The following TFG variants were observed in gnomAD, a reference collection of about 807,000 sequenced individuals.
TFG encodes the protein trafficking from ER to golgi regulator.
Under a neutral mutation model 51.4 loss-of-function variants are expected in TFG, and 22 were observed. That is an observed-to-expected ratio of 0.43 (90% CI 0.31 to 0.61). The LOEUF (loss-of-function observed/expected upper bound fraction) is 0.61. Ranked by LOEUF, TFG falls within the 20% of genes least tolerant of loss-of-function variation. The pLI is 0.12. For missense variants in TFG, 419 were observed against 487.7 expected (o/e 0.86, Z 1.33); for synonymous variants, 187 against 165.6 (o/e 1.13, Z -0.99).
intron 3 of TFG, among the ~76,000 whole-genome samples, chr3:100,723,347 G>A (rs575087670): frequency 6.6e-6 from 1 of 152,066 alleles, no homozygotes; most frequent in African/African-American, 2.4e-5. Flanking sequence ...AAGGGTACCT[G>A]TTCAGTTCAG....
intron 3 of TFG, 144 bp from the exon 4 acceptor site, chr3:100,728,568 T>G (rs2149077816): frequency 1.5e-6 from 1 of 656,816 alleles, no homozygotes; most frequent in East Asian, 3.4e-5. Flanking sequence ...GAATTCTTTT[T>G]TTTTAAAAAA....
chr3:100,712,542 T>G (rs966054762), intron 1 of TFG, among the ~76,000 whole-genome samples: 1 of 152,174 alleles, frequency 6.6e-6, no homozygotes, highest in African/African-American at 2.4e-5. Flanking sequence ...GTTCAGCGAT[T>G]ATAGATAACA....
rs1143775 is a variant in TFG at position 100,728,572 on chromosome 3, T to A, written c.269-140T>A. 535,114 of 561,838 alleles carry A rather than the reference T, an allele frequency of 0.95. 256,749 individuals carry two copies. The highest frequency in any genetic ancestry group is 0.98 in the East Asian group (24,774 of 25,172). 34.8% of individuals were successfully genotyped at this position (561,838 alleles called of 1,614,324 possible). On this transcript the variant is annotated intron_variant, in intron 3 of 7. Coordinates refer to ENST00000240851, the MANE Select transcript of TFG (RefSeq NM_006070.6). The stretch of plus-strand genomic sequence containing the variant: ...TTAGCCATAGAGAATTCTTTTTTTT[T>A]AAAAAAAAAGTTACTCCATTACATT...
At position 100,748,886 on chromosome 3, in the gene TFG, A is replaced by C. The variant is rs2095162170; in HGVS notation, c.*355A>C. On this transcript the variant is annotated 3_prime_UTR_variant, in exon 8 of 8. Coordinates refer to ENST00000240851, the MANE Select transcript of TFG (RefSeq NM_006070.6). Reference sequence around the variant, plus strand: ...TTTTACTATTAACATGATGTACTAAAGTAGAGCCCTTTGAGAATACAAGAT... The same window carrying C: ...TTTTACTATTAACATGATGTACTAACGTAGAGCCCTTTGAGAATACAAGAT... The C allele has an allele frequency of 8.1e-6, 2 of 247,002 alleles. No individual in the cohort carries two copies. Among genetic ancestry groups the C allele is most frequent in the East Asian group, 1.2e-4 (2 of 16,134 alleles). 15.3% of individuals were successfully genotyped at this position (247,002 alleles called of 1,614,324 possible).
At chr3:100,733,901 A>G (rs903636910) in intron 5 of TFG, among the ~76,000 whole-genome samples, 4 of 152,236 alleles carry the variant, frequency 2.6e-5, no homozygotes, top group African/African-American at 7.2e-5. Context: ...TCAGTGAGGT[A>G]AAGGCAGACA....
At chr3:100,745,029 A>G in intron 7 of TFG, 98 bp downstream of exon 7, 1 of 557,234 alleles carries the variant, frequency 1.8e-6, no homozygotes. Flanking sequence ...ACATTGATAT[A>G]ATAGGTATTA....
At chr3:100,724,264 G>A (rs13086822) in intron 3 of TFG, among the ~76,000 whole-genome samples, 38,797 of 151,914 alleles carry the variant, frequency 0.26, 5,524 homozygotes, top group East Asian at 0.51. Context: ...GGAATTGTTA[G>A]GATCAACAAT....
At chr3:100,746,311 T>C (rs566182700) in intron 7 of TFG, among the ~76,000 whole-genome samples, 12 of 152,132 alleles carry the variant, frequency 7.9e-5, no homozygotes, top group Middle Eastern at 3.2e-3. Context: ...TTTCATTTGA[T>C]TGGGTGTGGG....
chr3:100,731,321 A>T (rs988584748), intron 4 of TFG, among the ~76,000 whole-genome samples: 8 of 152,160 alleles, frequency 5.3e-5, no homozygotes, highest in Non-Finnish European at 1.2e-4. Context: ...TGTAAAATGT[A>T]TGTTAAAATT....
chr3:100,719,902 A>G (rs1228910991), intron 2 of TFG, 73 bp from the exon 3 acceptor site: 11 of 869,670 alleles, frequency 1.3e-5, no homozygotes, highest in Admixed American at 2.9e-5. Flanking sequence ...TTTAATTTTT[A>G]CTAGTTTACT....
Position 100,748,610 on chromosome 3 carries a change from T to TGAA in TFG, c.*84_*86dup. ...ACTCCAGTACTATTTTAATTTGTAT[T>TGAA]GAAGAAGTTCAGAAATTTAAAAGCA... On this transcript the variant is annotated 3_prime_UTR_variant, in exon 8 of 8. Coordinates refer to ENST00000240851, the MANE Select transcript of TFG (RefSeq NM_006070.6). The TGAA allele has an allele frequency of 1.4e-6, 2 of 1,390,482 alleles. No homozygotes were observed. The highest frequency in any genetic ancestry group is 1.9e-6 in the Non-Finnish European group (2 of 1,045,292). The allele number at this position is 1,390,482 out of a possible 1,614,324, so 86.1% of individuals were successfully genotyped here. A position where few individuals can be genotyped will look rare whatever the true frequency, so the allele number is the denominator to read the frequency against.
Position 100,744,937 on chromosome 3 carries a change from C to T in TFG, c.820+6C>T, listed in dbSNP as rs774790215. Reference sequence around the variant, plus strand: ...GTATGGTATTCAGTATTCAGGTGAGCAGGTGTTGAAAGGGAGTTGGCTCAT... The same window carrying T: ...GTATGGTATTCAGTATTCAGGTGAGTAGGTGTTGAAAGGGAGTTGGCTCAT... On this transcript the variant is annotated splice_donor_region_variant and intron_variant, in intron 7 of 7. Transcript: ENST00000240851. 1 of 1,598,324 alleles carries T rather than the reference C, an allele frequency of 6.3e-7. No individual in the cohort carries two copies. The highest frequency in any genetic ancestry group is 8.6e-7 in the Non-Finnish European group (1 of 1,168,730).
Position 100,713,731 on chromosome 3 carries a change from C to T in TFG, c.46C>T (p.Gln16Ter). Residue 16 changes from glutamine to a stop codon, truncating the protein, a stop_gained, in exon 2 of 8, where the codon CAA becomes TAA. Coordinates refer to ENST00000240851, the MANE Select transcript of TFG (RefSeq NM_006070.6). LOFTEE classifies it high-confidence loss of function. ...DLSGKLIIKA[Q>*]LGEDIRRIPI... ...AAGTGGGAAGCTAATCATCAAAGCT[C>T]AACTTGGGGAGGATATTCGGCGAAT... 6.2e-7 allele frequency: 1 copy of T among 1,610,490 alleles called. No individual in the cohort carries two copies. Among genetic ancestry groups the T allele is most frequent in the Non-Finnish European group, 8.5e-7 (1 of 1,177,810 alleles).
chr3:100,719,883 T>TA, intron 2 of TFG, 92 bp from the exon 3 acceptor site: 1 of 710,848 alleles, frequency 1.4e-6, no homozygotes, highest in Non-Finnish European at 2.3e-6. Flanking sequence ...ACAATCTACA[T>TA]TTTGGATTTT....
chr3:100,719,090 A>G (rs1437087104), intron 2 of TFG, among the ~76,000 whole-genome samples: 1 of 152,232 alleles, frequency 6.6e-6, no homozygotes, highest in Non-Finnish European at 1.5e-5. Flanking sequence ...GGGTCTGGCT[A>G]TAAGGAGCTA....
chr3:100,713,199 C>A (rs562897632), intron 1 of TFG, among the ~76,000 whole-genome samples: 161 of 152,234 alleles, frequency 1.1e-3, no homozygotes, highest in Admixed American at 2.8e-3. Context: ...AGTGAAGGTG[C>A]TGAAGTGGTT....
In TFG at chr3:100,713,887, G is replaced by A. The variant is rs751406877; in HGVS notation, c.184+18G>A. 9.3e-6 allele frequency: 12 copies of A among 1,290,644 alleles called. No individual in the cohort carries two copies. The highest frequency in any genetic ancestry group is 2.5e-4 in the Middle Eastern group (1 of 4,046). The allele number at this position is 1,290,644 out of a possible 1,614,324, so 79.9% of individuals were successfully genotyped here. On this transcript the variant is annotated intron_variant, in intron 2 of 7. Coordinates refer to ENST00000240851, the MANE Select transcript of TFG (RefSeq NM_006070.6). ...AGATGAAGGTAAGAGTGTTTTTAAA[G>A]CTATTTTTTAAAGTCTTTTTAAAAA...
chr3:100,715,079 CT>C, intron 2 of TFG, among the ~76,000 whole-genome samples: 1 of 152,290 alleles, frequency 6.6e-6, no homozygotes, highest in South Asian at 2.1e-4. Context: ...TTTTTAAATA[CT>C]TTTACCTCTT....
chr3:100,725,640 A>T (rs2149074289), intron 3 of TFG, among the ~76,000 whole-genome samples: 1 of 133,464 alleles, frequency 7.5e-6, no homozygotes, highest in Admixed American at 7.8e-5. Flanking sequence ...AAAAAAAAAA[A>T]AAAAATTAGC....
Sources: allele counts gnomAD v4.1 joint callset (sites outside exome capture counted in the v4.1 genomes callset), GRCh38; gene constraint gnomAD v4.1.1; transcripts MANE v1.5; gene names NCBI Gene and HGNC (gene_info 2026-07-23, HGNC 2026-07-21).